TCF12: variants seen among roughly 807,000 people sequenced by gnomAD.
TCF12 encodes the protein transcription factor 12.
In TCF12, 45 loss-of-function variants were observed where a neutral mutation model predicts 86.0. That is an observed-to-expected ratio of 0.52 (90% CI 0.41 to 0.67). The LOEUF (loss-of-function observed/expected upper bound fraction) is 0.67, where lower values mean the gene tolerates loss of function less well. Ranked by LOEUF, TCF12 falls within the 30% of genes least tolerant of loss-of-function variation. The probability of loss-of-function intolerance (pLI) is 0.00; values close to 1 mark genes in which losing one functional copy is unlikely to be tolerated. For missense variants in TCF12, 881 were observed against 859.9 expected, an observed-to-expected ratio of 1.02 and a Z score of -0.31; for synonymous variants, 330 against 299.6, an observed-to-expected ratio of 1.10 and a Z score of -1.05.
chr15:57,065,619 C>T (rs1398336382), intron 4 of TCF12, among the ~76,000 whole-genome samples: 3 of 150,434 alleles, frequency 2.0e-5, no homozygotes, highest in Admixed American at 6.6e-5. Flanking sequence ...GCTTTCTTCA[C>T]CGCCCCGCCC....
intron 13 of TCF12, chr15:57,247,115 AC>A (rs2059900823): frequency 1.8e-6 from 1 of 571,012 alleles, no homozygotes; most frequent in African/African-American, 1.9e-5. Context: ...CACCGTAGTT[AC>A]CACCGCCAAA....
intron 3 of TCF12, among the ~76,000 whole-genome samples, chr15:57,014,895 GT>G (rs1567255785): frequency 1.7e-5 from 1 of 59,632 alleles, no homozygotes; most frequent in Non-Finnish European, 3.4e-5. Context: ...TATTATTATT[GT>G]TATTATTATT....
chr15:57,290,092 C>G (rs1207748768), downstream of TCF12, among the ~76,000 whole-genome samples: 1 of 151,346 alleles, frequency 6.6e-6, no homozygotes, highest in Non-Finnish European at 1.5e-5. Flanking sequence ...CGCCTGTAAT[C>G]TCAGCACTTT....
intron 3 of TCF12, among the ~76,000 whole-genome samples, chr15:56,964,567 T>C (rs1455117265): frequency 1.7e-4 from 26 of 152,246 alleles, no homozygotes; most frequent in Non-Finnish European, 8.8e-5. Flanking sequence ...GTTTTACTTT[T>C]GTCATGAAGT....
chr15:56,983,396 G>A (rs749446032), intron 3 of TCF12, among the ~76,000 whole-genome samples: 4 of 152,168 alleles, frequency 2.6e-5, no homozygotes, highest in African/African-American at 4.8e-5. Context: ...CAAGAAAGCT[G>A]TAGAGGGAAA....
At chr15:57,126,807 C>T (rs1337201736) in intron 5 of TCF12, among the ~76,000 whole-genome samples, 1 of 152,100 alleles carries the variant, frequency 6.6e-6, no homozygotes, top group Non-Finnish European at 1.5e-5. Context: ...TATGACAAGG[C>T]AGTACACAGA....
chr15:57,277,543 C>T (rs1158521565), intron 19 of TCF12, among the ~76,000 whole-genome samples: 5 of 150,918 alleles, frequency 3.3e-5, no homozygotes, highest in African/African-American at 9.8e-5. Flanking sequence ...GCAGGAGAAT[C>T]GCTTGAACCC....
intron 13 of TCF12, chr15:57,247,450 CT>C: frequency 4.2e-6 from 3 of 709,546 alleles, no homozygotes; most frequent in Non-Finnish European, 5.2e-6. Flanking sequence ...TAGAAAGGGC[CT>C]TTTTTACTTC....
At chr15:57,209,338 A>C (rs927852882) in intron 8 of TCF12, among the ~76,000 whole-genome samples, 2 of 152,238 alleles carry the variant, frequency 1.3e-5, no homozygotes, top group Non-Finnish European at 2.9e-5. Context: ...AACAGAAAGC[A>C]GGAAAATTAC....
intron 19 of TCF12, among the ~76,000 whole-genome samples, chr15:57,273,740 C>T (rs1234217915): frequency 6.6e-6 from 1 of 152,138 alleles, no homozygotes; most frequent in Non-Finnish European, 1.5e-5. Context: ...CCTTTACACC[C>T]ATGTCAATAA....
At chr15:56,970,159 G>A (rs2062216149) in intron 3 of TCF12, among the ~76,000 whole-genome samples, 1 of 152,254 alleles carries the variant, frequency 6.6e-6, no homozygotes, top group African/African-American at 2.4e-5. Context: ...GGTAAAGGTG[G>A]ACTTTTTAAT....
At chr15:56,946,506 A>C (rs1250707739) in intron 3 of TCF12, among the ~76,000 whole-genome samples, 1 of 151,996 alleles carries the variant, frequency 6.6e-6, no homozygotes, top group Non-Finnish European at 1.5e-5. Flanking sequence ...TGAGCAATTT[A>C]TAATAGTTGT....
At chr15:57,199,609 C>T (rs568780668) in intron 8 of TCF12, among the ~76,000 whole-genome samples, 1 of 152,256 alleles carries the variant, frequency 6.6e-6, no homozygotes, top group East Asian at 1.9e-4. Context: ...GCATTTCTTA[C>T]ATTCGTAATC....
chr15:56,996,340 A>G (rs1429516952), intron 3 of TCF12, among the ~76,000 whole-genome samples: 2 of 152,216 alleles, frequency 1.3e-5, no homozygotes, highest in African/African-American at 4.8e-5. Context: ...AAGTAAAGCC[A>G]CACACCTACA....
chr15:57,143,459 A>T (rs1242955445), intron 5 of TCF12, among the ~76,000 whole-genome samples: 1 of 152,232 alleles, frequency 6.6e-6, no homozygotes, highest in Non-Finnish European at 1.5e-5. Flanking sequence ...GGGACATTTT[A>T]AAAATTAAAC....
rs574088343 is a variant in TCF12 at position 57,289,676 on chromosome 15, G to T, written c.*3531G>T. On this transcript the variant is annotated 3_prime_UTR_variant, in exon 21 of 21. Coordinates refer to ENST00000333725, the MANE Select transcript of TCF12 (RefSeq NM_207037.2). The stretch of plus-strand genomic sequence containing the variant: ...TAAGCTTTGGCATTAAATAGTCCTC[G>T]ATTCAAATCTAAGCTCAACATCTGA... The T allele has an allele frequency of 6.6e-6, 1 of 151,848 alleles. No individual in the cohort carries two copies. The highest frequency in any genetic ancestry group is 2.4e-5 in the African/African-American group (1 of 41,388). The allele number at this position is 151,848 out of a possible 1,614,324, so 9.4% of individuals were successfully genotyped here. A position where few individuals can be genotyped will look rare whatever the true frequency, so the allele number is the denominator to read the frequency against.
chr15:56,957,099 T>G (rs183913912), intron 3 of TCF12, among the ~76,000 whole-genome samples: 7 of 152,344 alleles, frequency 4.6e-5, no homozygotes, highest in Non-Finnish European at 1.0e-4. Flanking sequence ...TGTGTTATGA[T>G]GCTTCCATCA....
At chr15:57,118,702 C>T (rs1295996684) in intron 5 of TCF12, among the ~76,000 whole-genome samples, 2 of 152,124 alleles carry the variant, frequency 1.3e-5, no homozygotes, top group Admixed American at 6.5e-5. Context: ...AGTATATTTT[C>T]AGATTTTTAT....
At chr15:57,232,549 G>A in intron 10 of TCF12, 119 bp downstream of exon 10, 4 of 1,475,390 alleles carry the variant, frequency 2.7e-6, no homozygotes, top group Non-Finnish European at 3.6e-6. Flanking sequence ...GTACTTCAAG[G>A]CTTACCGCGT....
Sources: gnomAD v4.1 joint callset for allele counts (sites outside exome capture counted in the v4.1 genomes callset) on GRCh38, gnomAD v4.1.1 for gene constraint, MANE v1.5 for transcripts, NCBI Gene and HGNC (gene_info 2026-07-23, HGNC 2026-07-21) for gene names.